Variants in ATRNL1 observed in about 807,000 individuals in gnomAD.
ATRNL1 encodes attractin-like protein 1.
ATRNL1 carries 95 observed loss-of-function variants against 182.7 expected under a neutral mutation model. That is an observed-to-expected ratio of 0.52 (90% CI 0.44 to 0.62). The LOEUF (loss-of-function observed/expected upper bound fraction) is 0.62. ATRNL1 is among the 20% of genes least tolerant of loss of function. The pLI is 0.00. For synonymous variants in ATRNL1, 576 were observed against 568.3 expected, an observed-to-expected ratio of 1.01 and a Z score of -0.19; for missense variants, 1,471 against 1,679.5, an observed-to-expected ratio of 0.88 and a Z score of 2.17.
chr10:115,447,201 C>A (rs1847043317), intron 21 of ATRNL1, among the ~76,000 whole-genome samples: 2 of 151,610 alleles, frequency 1.3e-5, no homozygotes, highest in African/African-American at 4.8e-5. Context: ...ATATATATTT[C>A]ATAGTATATA....
At chr10:115,328,002 G>C (rs1262230970) in intron 18 of ATRNL1, among the ~76,000 whole-genome samples, 1 of 151,834 alleles carries the variant, frequency 6.6e-6, no homozygotes. Context: ...CGAGTTAGTG[G>C]GTGCAGCGCA....
At chr10:115,235,719 A>G (rs1850152110) in intron 9 of ATRNL1, among the ~76,000 whole-genome samples, 1 of 152,122 alleles carries the variant, frequency 6.6e-6, no homozygotes, top group African/African-American at 2.4e-5. Context: ...GTTAACTTTT[A>G]TATCTTGGTA....
At chr10:115,554,199 A>G (rs1267723333) in intron 26 of ATRNL1, among the ~76,000 whole-genome samples, 3 of 151,542 alleles carry the variant, frequency 2.0e-5, no homozygotes, top group South Asian at 4.1e-4. Flanking sequence ...TTTGCAGTTA[A>G]TGGCCACAAT....
At chr10:115,678,752 A>G (rs1945948743) in intron 26 of ATRNL1, among the ~76,000 whole-genome samples, 1 of 152,104 alleles carries the variant, frequency 6.6e-6, no homozygotes. Context: ...AAGGTGTCAT[A>G]TGCATATCAT....
intron 28 of ATRNL1, among the ~76,000 whole-genome samples, chr10:115,871,335 C>T (rs1261470558): frequency 6.6e-6 from 1 of 150,506 alleles, no homozygotes; most frequent in Non-Finnish European, 1.5e-5. Flanking sequence ...GGCATATTTC[C>T]TTTTAGGACT....
chr10:115,254,869 C>T (rs1170207936), intron 10 of ATRNL1, among the ~76,000 whole-genome samples: 1 of 152,118 alleles, frequency 6.6e-6, no homozygotes, highest in Non-Finnish European at 1.5e-5. Flanking sequence ...GCCAGTTTTC[C>T]CAGCACCATT....
chr10:115,333,454 A>T (rs573038946), intron 18 of ATRNL1, among the ~76,000 whole-genome samples: 1 of 151,508 alleles, frequency 6.6e-6, no homozygotes, highest in Admixed American at 6.6e-5. Context: ...CCTAAAGAAG[A>T]TACATATTTA....
intron 26 of ATRNL1, among the ~76,000 whole-genome samples, chr10:115,680,682 T>A (rs1946017125): frequency 6.6e-6 from 1 of 152,182 alleles, no homozygotes; most frequent in African/African-American, 2.4e-5. Context: ...CTAATTCTTC[T>A]TTCAATGGGT....
chr10:115,429,313 T>G (rs900700020), intron 21 of ATRNL1, among the ~76,000 whole-genome samples: 1 of 152,180 alleles, frequency 6.6e-6, no homozygotes, highest in Non-Finnish European at 1.5e-5. Context: ...GTAGATTTGC[T>G]TGGATTTTTA....
intron 27 of ATRNL1, among the ~76,000 whole-genome samples, chr10:115,838,159 A>G (rs1409733567): frequency 1.3e-5 from 2 of 152,204 alleles, no homozygotes; most frequent in Admixed American, 1.3e-4. Flanking sequence ...CACCCACTTC[A>G]TGTCCAGTAA....
At chr10:115,935,020 A>T (rs1953514651) in intron 28 of ATRNL1, among the ~76,000 whole-genome samples, 1 of 152,152 alleles carries the variant, frequency 6.6e-6, no homozygotes, top group South Asian at 2.1e-4. Context: ...TTCAAATCTC[A>T]GTTCAGAGAT....
intron 26 of ATRNL1, among the ~76,000 whole-genome samples, chr10:115,671,460 A>T (rs1407665700): frequency 6.6e-6 from 1 of 152,122 alleles, no homozygotes; most frequent in East Asian, 1.9e-4. Context: ...ACTAACATTT[A>T]TTGCGCTACA....
intron 28 of ATRNL1, among the ~76,000 whole-genome samples, chr10:115,889,696 C>G (rs1952034012): frequency 6.6e-6 from 1 of 152,156 alleles, no homozygotes; most frequent in Non-Finnish European, 1.5e-5. Flanking sequence ...TGAACTCTGT[C>G]TGCCTCTAAA....
intron 24 of ATRNL1, among the ~76,000 whole-genome samples, chr10:115,501,190 T>C (rs1372697042): frequency 6.6e-6 from 1 of 152,076 alleles, no homozygotes; most frequent in East Asian, 1.9e-4. Context: ...TGTTTTAGCC[T>C]CCCAAAGTGC....
At chr10:115,151,220 C>A (rs9663320) in intron 5 of ATRNL1, among the ~76,000 whole-genome samples, 1,784 of 152,224 alleles carry the variant, frequency 0.012, 33 homozygotes, top group African/African-American at 0.04. Flanking sequence ...GATTTATAAT[C>A]CTTTGGGTAT....
At chr10:115,271,354 T>G (rs1032676735) in intron 13 of ATRNL1, among the ~76,000 whole-genome samples, 22 of 152,128 alleles carry the variant, frequency 1.4e-4, no homozygotes, top group African/African-American at 5.3e-4. Flanking sequence ...TACATATGTA[T>G]ACATGTGCCA....
chr10:115,691,423 G>GA (rs1199870930), intron 26 of ATRNL1, among the ~76,000 whole-genome samples: 3 of 152,068 alleles, frequency 2.0e-5, no homozygotes, highest in Admixed American at 2.0e-4. Flanking sequence ...TACCTTCTTT[G>GA]AAAAAATATC....
At chr10:115,151,357 AT>A (rs1373377777) in intron 5 of ATRNL1, among the ~76,000 whole-genome samples, 3 of 152,040 alleles carry the variant, frequency 2.0e-5, no homozygotes, top group Non-Finnish European at 2.9e-5. Context: ...AAGCATTCCT[AT>A]TTCTCCACAT....
chr10:115,681,294 G>T lies in ATRNL1; in HGVS notation c.3796-45954G>T, dbSNP rs536051953. On this transcript the variant is annotated intron_variant, in intron 26 of 28. Coordinates refer to ENST00000355044, the MANE Select transcript of ATRNL1 (RefSeq NM_207303.4). The stretch of plus-strand genomic sequence containing the variant: ...GTTAATAGATCAAAATTAATACAGA[G>T]TAAGTATTGGACAAAGTCACTGTAA... Among the ~76,000 whole-genome samples the T allele has an allele frequency of 3.3e-5, 5 of 152,274 alleles. No homozygotes were observed. In the South Asian group the frequency reaches 1.0e-3, roughly 32 times the overall value.
Sources: allele counts gnomAD v4.1 joint callset (sites outside exome capture counted in the v4.1 genomes callset), GRCh38; gene constraint gnomAD v4.1.1; transcripts MANE v1.5; gene names NCBI Gene and HGNC (gene_info 2026-07-23, HGNC 2026-07-21).